UBE3C: variants seen among roughly 807,000 people sequenced by gnomAD.
The protein encoded by UBE3C is ubiquitin-protein ligase E3C.
A neutral mutation model predicts 129.4 loss-of-function variants in UBE3C; 42 were observed. The ratio of observed to expected loss-of-function variants is 0.32; its 90% CI spans 0.25 to 0.42. The LOEUF is 0.42. Among genes scored for constraint, UBE3C ranks in the 10% least tolerant of loss-of-function variants. The pLI is 1.00. For synonymous variants in UBE3C, 510 were observed against 492.4 expected (o/e 1.04, Z -0.47); for missense variants, 1,049 against 1,319.1 (o/e 0.80, Z 3.17).
chr7:157,238,923 G>T (rs1034890733), intron 18 of UBE3C, among the ~76,000 whole-genome samples: 3 of 152,152 alleles, frequency 2.0e-5, no homozygotes, highest in African/African-American at 7.2e-5. Flanking sequence ...GAAGAGAAAG[G>T]TGGGTATTGT....
chr7:157,246,473 G>A lies in UBE3C; in HGVS notation c.2482-1895G>A, dbSNP rs142811580. On this transcript the variant is annotated intron_variant, in intron 18 of 22. Transcript: ENST00000348165. ...GGGTGATGGCCTCTAGGTTGGAAGG[G>A]TGACTTCTGAGTTGACTGTCTCATG... Among the ~76,000 whole-genome samples, 19 of 152,332 alleles carry A rather than the reference G, an allele frequency of 1.2e-4. No individual in the cohort carries two copies. The East Asian group carries it at 3.5e-3, about 28-fold the overall frequency.
intron 5 of UBE3C, among the ~76,000 whole-genome samples, chr7:157,176,920 A>G (rs1003333568): frequency 2.7e-4 from 41 of 152,228 alleles, no homozygotes; most frequent in African/African-American, 9.6e-4. Context: ...TAGTAAGTCG[A>G]CAGTCTTATC....
chr7:157,215,439 T>C (rs1795528900), intron 13 of UBE3C, among the ~76,000 whole-genome samples: 1 of 149,384 alleles, frequency 6.7e-6, no homozygotes, highest in South Asian at 2.1e-4. Flanking sequence ...TAATGTATAA[T>C]ATATCCAGTA....
intron 10 of UBE3C, chr7:157,192,251 C>T (rs1808988583): frequency 3.0e-6 from 1 of 338,210 alleles, no homozygotes; most frequent in Non-Finnish European, 5.6e-6. Context: ...GCATATTCCA[C>T]CAAAGTGATT....
At chr7:157,203,405 G>GT (rs985302643) in intron 11 of UBE3C, among the ~76,000 whole-genome samples, 36 of 151,858 alleles carry the variant, frequency 2.4e-4, no homozygotes, top group African/African-American at 3.4e-4. Context: ...GTTTTGTTGT[G>GT]TTTTTTTTGG....
chr7:157,153,984 G>A (rs530293677), intron 1 of UBE3C, among the ~76,000 whole-genome samples: 2 of 148,752 alleles, frequency 1.3e-5, no homozygotes, highest in African/African-American at 2.5e-5. Flanking sequence ...GTGACAGAGC[G>A]AGGCCCTGTC....
In UBE3C at chr7:157,249,320, C is replaced by T. The variant is rs982024439; in HGVS notation, c.2694+740C>T. 4.3e-3 allele frequency among the ~76,000 whole-genome samples: 619 copies of T among 145,156 alleles called. 4 individuals are homozygous for T. Among genetic ancestry groups the T allele is most frequent in the African/African-American group, 0.015 (593 of 39,914 alleles). ...TGTGGACACTTCACATCGATAGAGT[C>T]TTTTTTTTTTTTGAGATGGAGTTTC... is the stretch of plus-strand genomic sequence containing the variant. On this transcript the variant is annotated intron_variant, in intron 19 of 22. Coordinates refer to ENST00000348165, the MANE Select transcript of UBE3C (RefSeq NM_014671.3).
At chr7:157,252,928 C>T (rs1796655083) in intron 19 of UBE3C, among the ~76,000 whole-genome samples, 1 of 152,160 alleles carries the variant, frequency 6.6e-6, no homozygotes, top group Admixed American at 6.5e-5. Context: ...TTTAGAAATA[C>T]AGGTGGGGGT....
chr7:157,166,552 C>T (rs1472245603), intron 2 of UBE3C, among the ~76,000 whole-genome samples: 1 of 151,986 alleles, frequency 6.6e-6, no homozygotes, highest in Admixed American at 6.6e-5. Flanking sequence ...ACCAGCCTGA[C>T]CAACATGAAG....
In UBE3C at chr7:157,169,101, C is replaced by T; in HGVS notation, c.174C>T (p.Gly58=). 1 of 1,613,472 alleles carries T rather than the reference C, an allele frequency of 6.2e-7. No individual in the cohort carries two copies. Among genetic ancestry groups the T allele is most frequent in the South Asian group, 1.1e-5 (1 of 91,048 alleles). Residue 58 remains glycine (G), a synonymous_variant, in exon 3 of 23, where the codon GGC becomes GGT. Coordinates refer to ENST00000348165, the MANE Select transcript of UBE3C (RefSeq NM_014671.3). ...NAIIIQSFIR[G]YRDRKQQYSI... ...TAATTATCCAGTCATTTATTCGAGG[C>T]TATAGAGACAGAAAACAGCAAGTAA...
In UBE3C at chr7:157,182,239, T is replaced by G; in HGVS notation, c.902T>G (p.Leu301Arg). Residue 301 changes from leucine to arginine, a missense_variant, in exon 8 of 23, where the codon CTG (leucine) becomes CGG (arginine). Coordinates refer to ENST00000348165, the MANE Select transcript of UBE3C (RefSeq NM_014671.3). ...CCTTACGAGCCCTTTCTGAATGCAC[T>G]GTTGTTAATAGAGAGTAGATGTTCA... is the stretch of plus-strand genomic sequence containing the variant. Reference protein sequence around the residue: ...VFPYEPFLNALLLIESRCSRK... With the variant: ...VFPYEPFLNARLLIESRCSRK... The G allele has an allele frequency of 6.2e-7, 1 of 1,614,230 alleles. No individual in the cohort carries two copies. Among genetic ancestry groups the G allele is most frequent in the Non-Finnish European group, 8.5e-7 (1 of 1,180,036 alleles).
intron 15 of UBE3C, chr7:157,221,440 TA>T (rs543916388): frequency 1.9e-4 from 28 of 148,066 alleles, no homozygotes; most frequent in Admixed American, 2.7e-4. Context: ...AGTTGTCATT[TA>T]AAAAAAAAAA....
intron 17 of UBE3C, among the ~76,000 whole-genome samples, chr7:157,230,327 C>A (rs1054349731): frequency 1.3e-5 from 2 of 151,352 alleles, no homozygotes; most frequent in Non-Finnish European, 2.9e-5. Context: ...TTCCCTGAAC[C>A]ACATTGGAAG....
At chr7:157,251,176 T>C (rs1379624814) in intron 19 of UBE3C, among the ~76,000 whole-genome samples, 2 of 152,354 alleles carry the variant, frequency 1.3e-5, no homozygotes, top group East Asian at 3.9e-4. Context: ...TAGTCCTCCT[T>C]ACAAGTTTTT....
chr7:157,233,283 C>T (rs138181272), intron 18 of UBE3C, among the ~76,000 whole-genome samples: 27 of 152,282 alleles, frequency 1.8e-4, no homozygotes, highest in African/African-American at 6.3e-4. Flanking sequence ...GGATATACCA[C>T]ACTTTGGGGT....
chr7:157,267,347 G>A (rs568572551), intron 22 of UBE3C, among the ~76,000 whole-genome samples: 11 of 152,272 alleles, frequency 7.2e-5, no homozygotes, highest in Non-Finnish European at 1.5e-4. Flanking sequence ...GCTTGAACCT[G>A]GGAGGCAGAG....
intron 10 of UBE3C, among the ~76,000 whole-genome samples, chr7:157,199,975 C>T (rs900223500): frequency 6.6e-6 from 1 of 152,054 alleles, no homozygotes; most frequent in Non-Finnish European, 1.5e-5. Context: ...AGATTCTGCT[C>T]TTACTGGAAT....
At chr7:157,196,586 AAATG>A (rs1809126644) in intron 10 of UBE3C, among the ~76,000 whole-genome samples, 1 of 152,234 alleles carries the variant, frequency 6.6e-6, no homozygotes, top group Non-Finnish European at 1.5e-5. Flanking sequence ...TTGAATGAAT[AAATG>A]AATGTGATCA....
chr7:157,227,744 G>GT (rs1348291519), intron 17 of UBE3C, among the ~76,000 whole-genome samples: 2 of 151,892 alleles, frequency 1.3e-5, no homozygotes, highest in Non-Finnish European at 2.9e-5. Flanking sequence ...ATTTTTTGAT[G>GT]TTACTGTCCA....
Sources: allele counts gnomAD v4.1 joint callset (sites outside exome capture counted in the v4.1 genomes callset), GRCh38; gene constraint gnomAD v4.1.1; transcripts MANE v1.5; gene names NCBI Gene and HGNC (gene_info 2026-07-23, HGNC 2026-07-21).